NUDT13: variants seen among roughly 807,000 people sequenced by gnomAD.
NUDT13 encodes nudix hydrolase 13.
In NUDT13, 40 loss-of-function variants were observed where a neutral mutation model predicts 41.7. The ratio of observed to expected loss-of-function variants is 0.96; its 90% CI spans 0.75 to 1.25. NUDT13 has a LOEUF of 1.25. NUDT13 is among the 50% of genes most tolerant of loss of function. The pLI, the probability that NUDT13 is intolerant of heterozygous loss-of-function variation, is 0.00. For missense variants in NUDT13, 390 were observed against 416.1 expected, an observed-to-expected ratio of 0.94 and a Z score of 0.55; for synonymous variants, 145 against 155.5, an observed-to-expected ratio of 0.93 and a Z score of 0.50.
At chr10:73,118,921 G>A (rs1023388885) in intron 2 of NUDT13, among the ~76,000 whole-genome samples, 1 of 151,952 alleles carries the variant, frequency 6.6e-6, no homozygotes, top group South Asian at 2.1e-4. Flanking sequence ...GCAGTCAGCT[G>A]AGATCGTGCC....
At chr10:73,125,651 T>TTATATTTATATATATA (rs1554847531) in intron 7 of NUDT13, 142 bp downstream of exon 7, 1 of 195,548 alleles carries the variant, frequency 5.1e-6, no homozygotes, top group African/African-American at 2.9e-5. Context: ...TTCTGGCATT[T>TTATATTTATATATATA]TATATATATA....
intron 2 of NUDT13, among the ~76,000 whole-genome samples, chr10:73,117,227 T>C (rs1842535606): frequency 1.3e-5 from 2 of 151,848 alleles, no homozygotes; most frequent in African/African-American, 4.8e-5. Flanking sequence ...AATTTAAGTA[T>C]GTTAAAGTGA....
chr10:73,114,504 T>C (rs4492736), intron 2 of NUDT13, 56 bp downstream of exon 2: 100,527 of 790,694 alleles, frequency 0.13, 13,226 homozygotes, highest in African/African-American at 0.51. Context: ...TAAACTATTG[T>C]GATATTATGA....
chr10:73,131,079 C>A lies in NUDT13; in HGVS notation c.*176C>A. On this transcript the variant is annotated 3_prime_UTR_variant, in exon 9 of 9. Transcript: ENST00000357321. Reference sequence around the variant, plus strand: ...CAGTGTTAATGGAAGAAATTCCTACCAATGGGCAATCAAAAAAGCCAGTGT... The same window carrying A: ...CAGTGTTAATGGAAGAAATTCCTACAAATGGGCAATCAAAAAAGCCAGTGT... The A allele has an allele frequency of 1.9e-6, 1 of 516,404 alleles. No individual in the cohort carries two copies. 32.0% of individuals were successfully genotyped at this position (516,404 alleles called of 1,614,324 possible).
intron 8 of NUDT13, among the ~76,000 whole-genome samples, chr10:73,129,807 G>A (rs557889664): frequency 1.2e-4 from 18 of 151,534 alleles, no homozygotes; most frequent in East Asian, 7.9e-4. Flanking sequence ...GTGAAACCCC[G>A]TCTCTACTAA....
intron 4 of NUDT13, 95 bp downstream of exon 4, chr10:73,122,404 C>A: frequency 8.3e-7 from 1 of 1,200,972 alleles, no homozygotes; most frequent in South Asian, 1.5e-5. Context: ...TTGGGGAATA[C>A]AAAAGGTTAT....
chr10:73,119,199 C>G (rs1842582998), intron 2 of NUDT13, among the ~76,000 whole-genome samples: 1 of 151,836 alleles, frequency 6.6e-6, no homozygotes, highest in Non-Finnish European at 1.5e-5. Context: ...GTGCGTGCCA[C>G]CATGCCCAGC....
intron 7 of NUDT13, among the ~76,000 whole-genome samples, 190 bp downstream of exon 7, chr10:73,125,699 T>C (rs1400273951): frequency 6.9e-6 from 1 of 145,184 alleles, no homozygotes; most frequent in African/African-American, 2.7e-5. Context: ...TTTCCTTTTT[T>C]TTGAGATGGG....
At position 73,116,876 on chromosome 10, in the gene NUDT13, A is replaced by ATTTTTTTTTTTTTT. The variant is rs56229464; in HGVS notation, c.83+2443_83+2456dup. 4.9e-5 allele frequency among the ~76,000 whole-genome samples: 4 copies of ATTTTTTTTTTTTTT among 81,868 alleles called. 1 individual carries two copies. Among genetic ancestry groups the ATTTTTTTTTTTTTT allele is most frequent in the African/African-American group, 2.0e-4 (4 of 20,458 alleles). The allele number at this position is 81,868 out of a possible 152,430, so 53.7% of individuals were successfully genotyped here. On this transcript the variant is annotated intron_variant, in intron 2 of 8. Transcript: ENST00000357321. ...TGTACTCCTTTAACAGACTACAAGA[A>ATTTTTTTTTTTTTT]TTTTTTTTTTTTTTTTTTTTTTTTT... is the stretch of plus-strand genomic sequence containing the variant.
chr10:73,124,287 A>T lies in NUDT13; in HGVS notation c.432A>T (p.Gln144His), dbSNP rs1266947712. Residue 144 changes from glutamine (Q) to histidine (H), a missense_variant, in exon 5 of 9, where the codon CAA (glutamine) becomes CAT (histidine). Gln to His is a conservative substitution (Grantham distance 24). Coordinates refer to ENST00000357321, the MANE Select transcript of NUDT13 (RefSeq NM_015901.6). ...TTGAGCTGAGAAAGGCACTCTTTCA[A>T]CTCAATGCAAGGGATGCCTCCTTGC... Reference protein sequence around the residue: ...SFIELRKALFQLNARDASLLS... With the variant: ...SFIELRKALFHLNARDASLLS... 6.2e-7 allele frequency: 1 copy of T among 1,613,310 alleles called. No homozygotes were observed. Among genetic ancestry groups the T allele is most frequent in the Admixed American group, 1.7e-5 (1 of 60,020 alleles).
At chr10:73,124,030 G>T (rs1248516934) in intron 4 of NUDT13, among the ~76,000 whole-genome samples, 184 bp from the exon 5 acceptor site, 2 of 150,824 alleles carry the variant, frequency 1.3e-5, no homozygotes, top group East Asian at 3.9e-4. Flanking sequence ...AACTCCTAAT[G>T]GCCTCAAGCC....
intron 7 of NUDT13, 75 bp downstream of exon 7, chr10:73,125,584 T>C (rs1842752703): frequency 2.0e-6 from 2 of 988,720 alleles, no homozygotes; most frequent in Non-Finnish European, 3.0e-6. Context: ...TCTGTCTTGT[T>C]GCTATAGAGC....
chr10:73,113,768 A>G (rs1056206338), intron 1 of NUDT13, among the ~76,000 whole-genome samples: 7 of 152,218 alleles, frequency 4.6e-5, no homozygotes, highest in African/African-American at 1.7e-4. Context: ...GTAGGACTAA[A>G]TTTTAGATGT....
rs772959594 is a variant in NUDT13, at chr10:73,120,132, C to CCTGG, written c.200_203dup (p.Pro69GlyfsTer15). On this transcript the variant is annotated frameshift_variant, in exon 3 of 9. Coordinates refer to ENST00000357321, the MANE Select transcript of NUDT13 (RefSeq NM_015901.6). LOFTEE classifies it high-confidence loss of function. ...TGCTTCAGACTTCAGCACATCAATACCTGGCCCCCCGGCACAGCCTGTTAG... is the reference window on the plus strand; with the variant it reads ...TGCTTCAGACTTCAGCACATCAATACCTGGCTGGCCCCCCGGCACAGCCTGTTAG... The CCTGG allele has an allele frequency of 6.2e-7, 1 of 1,614,196 alleles. No individual in the cohort carries two copies. The highest frequency in any genetic ancestry group is 2.2e-5 in the East Asian group (1 of 44,880).
chr10:73,122,043 A>C, intron 3 of NUDT13, 132 bp from the exon 4 acceptor site: 1 of 920,660 alleles, frequency 1.1e-6, no homozygotes, highest in African/African-American at 1.7e-5. Context: ...ATAGCTAATT[A>C]GCTGCAGTTG....
intron 8 of NUDT13, chr10:73,130,475 T>C (rs865914000): frequency 6.6e-6 from 1 of 150,974 alleles, no homozygotes; most frequent in Non-Finnish European, 1.4e-5. Flanking sequence ...AAAAAAAAAA[T>C]ATATATATAT....
At chr10:73,130,645 A>G (rs1842897369) in intron 8 of NUDT13, 58 bp from the exon 9 acceptor site, 3 of 1,382,232 alleles carry the variant, frequency 2.2e-6, no homozygotes, top group Non-Finnish European at 3.1e-6. Context: ...CTTTGGCCAT[A>G]GTATTCTAAA....
chr10:73,111,531 T>A (rs1842367915), intron 1 of NUDT13, among the ~76,000 whole-genome samples: 2 of 152,222 alleles, frequency 1.3e-5, no homozygotes, highest in South Asian at 4.1e-4. Flanking sequence ...AACGTGTGAA[T>A]CATTTGTGTT....
rs1842900828 is a variant in NUDT13, at chr10:73,130,774, G to A, written c.930G>A (p.Lys310=). The A allele has an allele frequency of 1.2e-6, 2 of 1,613,980 alleles. No individual in the cohort carries two copies. Among genetic ancestry groups the A allele is most frequent in the Non-Finnish European group, 1.7e-6 (2 of 1,179,970 alleles). The part of the protein sequence containing the change: ...FSHDEVATAL[K]RKGPYTQQQN... Reference sequence around the variant, plus strand: ...ATGATGAGGTAGCCACAGCCCTGAAGAGAAAGGGCCCCTATACTCAGCAAC... The same window carrying A: ...ATGATGAGGTAGCCACAGCCCTGAAAAGAAAGGGCCCCTATACTCAGCAAC... The change falls in exon 9 of 9, where the codon AAG becomes AAA. Residue 310 remains lysine (K), a synonymous_variant. Transcript: ENST00000357321.
Sources: gnomAD v4.1 joint callset for allele counts (sites outside exome capture counted in the v4.1 genomes callset) on GRCh38, gnomAD v4.1.1 for gene constraint, MANE v1.5 for transcripts, NCBI Gene and HGNC (gene_info 2026-07-23, HGNC 2026-07-21) for gene names.